Variants in ABCA8 observed in about 807,000 individuals in gnomAD.
ABCA8 encodes the protein ATP binding cassette subfamily A member 8.
Under a neutral mutation model 192.3 loss-of-function variants are expected in ABCA8, and 177 were observed. The ratio of observed to expected loss-of-function variants is 0.92; its 90% CI spans 0.81 to 1.04. The LOEUF (loss-of-function observed/expected upper bound fraction) is 1.04, where lower values mean the gene tolerates loss of function less well. Ranked by LOEUF, ABCA8 falls within the 50% of genes least tolerant of loss-of-function variation. The probability of loss-of-function intolerance (pLI) is 0.00; values close to 1 mark genes in which losing one functional copy is unlikely to be tolerated. For missense variants in ABCA8, 1,915 were observed against 1,904.8 expected (o/e 1.01, Z -0.10); for synonymous variants, 642 against 690.2 (o/e 0.93, Z 1.09).
intron 24 of ABCA8, among the ~76,000 whole-genome samples, chr17:68,888,958 C>G (rs2066560619): frequency 6.6e-6 from 1 of 152,120 alleles, no homozygotes; most frequent in Non-Finnish European, 1.5e-5. Context: ...AGGAGACAAA[C>G]AATGGACAGT....
chr17:68,921,094 G>T (rs1226757773), intron 13 of ABCA8, among the ~76,000 whole-genome samples: 1 of 151,920 alleles, frequency 6.6e-6, no homozygotes, highest in Admixed American at 6.6e-5. Flanking sequence ...GCAAACTATT[G>T]CAAGGACAAA....
chr17:68,932,610 T>C (rs2067934975), intron 6 of ABCA8, 96 bp from the exon 7 acceptor site: 1 of 914,844 alleles, frequency 1.1e-6, no homozygotes, highest in African/African-American at 1.7e-5. Context: ...ATGATTGGCC[T>C]ATTGGGATTT....
At chr17:68,914,129 C>T (rs188782349) in intron 17 of ABCA8, among the ~76,000 whole-genome samples, 174 of 152,186 alleles carry the variant, frequency 1.1e-3, no homozygotes, top group Non-Finnish European at 1.2e-3. Context: ...CCTCAAAAAT[C>T]TAGGTGTAGA....
Position 68,883,697 on chromosome 17 carries a change from C to T in ABCA8, c.3707+94G>A, listed in dbSNP as rs2066390326. Reference sequence around the variant, plus strand: ...GTTCCTACTCCAGCCTATCCTAGCACAACGGCACCTCTTTGTTAATGAATT... The same window carrying T: ...GTTCCTACTCCAGCCTATCCTAGCATAACGGCACCTCTTTGTTAATGAATT... On this transcript the variant is annotated intron_variant, in intron 29 of 39. Coordinates refer to ENST00000586539, the MANE Select transcript of ABCA8 (RefSeq NM_001288985.2). The T allele has an allele frequency of 5.1e-6, 4 of 783,850 alleles. 1 individual carries two copies. The East Asian group carries it at 8.1e-5, about 16-fold the overall frequency. 48.6% of individuals were successfully genotyped at this position (783,850 alleles called of 1,614,324 possible). A position where few individuals can be genotyped will look rare whatever the true frequency, so the allele number is the denominator to read the frequency against.
chr17:68,929,986 G>T (rs948812485), intron 7 of ABCA8, among the ~76,000 whole-genome samples: 1 of 142,614 alleles, frequency 7.0e-6, no homozygotes, highest in African/African-American at 2.6e-5. Flanking sequence ...GGTGGGGGCG[G>T]TGGGGGGGGA....
intron 25 of ABCA8, 33 bp downstream of exon 25, chr17:68,887,303 A>AATATTGTCACTTACTTGG (rs762157515): frequency 5.2e-6 from 8 of 1,536,688 alleles, no homozygotes; most frequent in Non-Finnish European, 7.1e-6. Flanking sequence ...TGATATTGTG[A>AATATTGTCACTTACTTGG]ATATTGTCAC....
Position 68,937,050 on chromosome 17 carries a change from C to A in ABCA8, c.367G>T (p.Glu123Ter). The A allele has an allele frequency of 6.2e-7, 1 of 1,610,722 alleles. No homozygotes were observed. The highest frequency in any genetic ancestry group is 8.5e-7 in the Non-Finnish European group (1 of 1,178,634). Residue 123 changes from glutamate (E) to a stop codon, truncating the protein, a stop_gained, in exon 5 of 40, where the codon GAA becomes TAA. Transcript: ENST00000586539. LOFTEE classifies it high-confidence loss of function. ...TTAGTAAAGGTGACTCTTACTATTT[C>A]TTCAGGATAATTTGCTGTGAATTCT... ...IKEFTANYPEEIVRVTFTNTY... is the reference protein window; with the variant it reads ...IKEFTANYPE
At chr17:68,929,467 G>A (rs1555616075) in intron 8 of ABCA8, 94 bp downstream of exon 8, 6 of 1,373,414 alleles carry the variant, frequency 4.4e-6, no homozygotes, top group Admixed American at 4.5e-5. Context: ...AACAGAGTAG[G>A]TAGAAAAAAA....
chr17:68,917,904 C>T (rs2067418832), intron 16 of ABCA8, 143 bp downstream of exon 16: 1 of 997,114 alleles, frequency 1.0e-6, no homozygotes, highest in Admixed American at 2.9e-5. Context: ...GGCTTTGCGT[C>T]CAGTTCAAAT....
At position 68,875,230 on chromosome 17, in the gene ABCA8, T is replaced by G. The variant is rs763491106; in HGVS notation, c.4631+30A>C. ...CTGACAAGTAACAGTGAACATTTGG[T>G]ACCATTTCCAAAACAGCAACCATGT... On this transcript the variant is annotated intron_variant, in intron 37 of 39. Coordinates refer to ENST00000586539, the MANE Select transcript of ABCA8 (RefSeq NM_001288985.2). 1.9e-6 allele frequency: 3 copies of G among 1,612,034 alleles called. No individual in the cohort carries two copies. The African/African-American group carries it at 4.0e-5, about 22-fold the overall frequency.
chr17:68,867,312 T>A lies in ABCA8; in HGVS notation c.*773A>T, dbSNP rs1183099832. ...TATTTCAAAACTATATATATGAGAT[T>A]TATTTCACATTTTCTACCTACTCAG... On this transcript the variant is annotated 3_prime_UTR_variant, in exon 40 of 40. Transcript: ENST00000586539. The A allele has an allele frequency of 6.6e-6, 1 of 152,154 alleles. No individual in the cohort carries two copies. Among genetic ancestry groups the A allele is most frequent in the Non-Finnish European group, 1.5e-5 (1 of 68,010 alleles). The allele number at this position is 152,154 out of a possible 1,614,324, so 9.4% of individuals were successfully genotyped here.
chr17:68,930,050 T>C (rs1225819188), intron 7 of ABCA8, among the ~76,000 whole-genome samples: 3 of 152,204 alleles, frequency 2.0e-5, no homozygotes, highest in African/African-American at 7.2e-5. Flanking sequence ...TGCTGCATTC[T>C]TGCTCTGTAA....
intron 2 of ABCA8, among the ~76,000 whole-genome samples, chr17:68,945,458 G>T (rs2143792680): frequency 6.6e-6 from 1 of 152,138 alleles, no homozygotes; most frequent in South Asian, 2.1e-4. Context: ...TTTTGTTGTG[G>T]TCAAACAACC....
Position 68,924,695 on chromosome 17 carries a change from T to G in ABCA8, c.1442+6A>C, listed in dbSNP as rs2067647747. The G allele has an allele frequency of 6.2e-7, 1 of 1,611,890 alleles. No homozygotes were observed. Among genetic ancestry groups the G allele is most frequent in the Non-Finnish European group, 8.5e-7 (1 of 1,179,246 alleles). On this transcript the variant is annotated splice_donor_region_variant and intron_variant, in intron 11 of 39. Coordinates refer to ENST00000586539, the MANE Select transcript of ABCA8 (RefSeq NM_001288985.2). The stretch of plus-strand genomic sequence containing the variant: ...TTGCCCTGTTCTCCACCTGCAGCCT[T>G]ATTACCTGATGGCTTCTTTCCCTTG...
rs769321397 is a variant in ABCA8 at position 68,918,096 on chromosome 17, G to A, written c.1998C>T (p.Arg666=). 29 of 1,614,046 alleles carry A rather than the reference G, an allele frequency of 1.8e-5. No homozygotes were observed. The highest frequency in any genetic ancestry group is 2.7e-5 in the African/African-American group (2 of 74,920). The change falls in exon 16 of 40, where the codon CGC becomes CGT. Residue 666 remains arginine (R), a synonymous_variant. Coordinates refer to ENST00000586539, the MANE Select transcript of ABCA8 (RefSeq NM_001288985.2). Reference sequence around the variant, plus strand: ...TGAACTGGGTACTGAAGAGGATCACGCGGTCTGTTTTGCGTTCTTTCAGAA... The same window carrying A: ...TGAACTGGGTACTGAAGAGGATCACACGGTCTGTTTTGCGTTCTTTCAGAA... The part of the protein sequence containing the change: ...WNLLKERKTD[R]VILFSTQFMD...
rs1013096952 is a variant in ABCA8 at position 68,917,437 on chromosome 17, G to T, written c.2062C>A (p.Leu688Ile). ...GCGCACTTTAGCTTCCCTTGGGAGA[G>T]AAATACTTTCCTGTCTGAAAAAGAA... ...ADILADRKVF[L>I]SQGKLKCAGS... The change falls in exon 17 of 40, where the codon CTC (leucine) becomes ATC (isoleucine). Residue 688 changes from leucine (L) to isoleucine (I), a missense_variant. Transcript: ENST00000586539. 4 of 1,608,950 alleles carry T rather than the reference G, an allele frequency of 2.5e-6. No individual in the cohort carries two copies. The highest frequency in any genetic ancestry group is 1.1e-5 in the South Asian group (1 of 90,022).
chr17:68,918,122 G>T lies in ABCA8; in HGVS notation c.1972C>A (p.Leu658Ile), dbSNP rs753931039. Reference protein sequence around the residue: ...DPFSRHQVWNLLKERKTDRVI... With the variant: ...DPFSRHQVWNILKERKTDRVI... Reference sequence around the variant, plus strand: ...CGGTCTGTTTTGCGTTCTTTCAGAAGGTTCCATACTTGGTGTCTTGAAAAG... The same window carrying T: ...CGGTCTGTTTTGCGTTCTTTCAGAATGTTCCATACTTGGTGTCTTGAAAAG... Residue 658 changes from leucine to isoleucine, a missense_variant, in exon 16 of 40, where the codon CTT becomes ATT. By Grantham distance (5) the Leu-to-Ile change is conservative. Transcript: ENST00000586539. 6.2e-7 allele frequency: 1 copy of T among 1,614,066 alleles called. No homozygotes were observed. Among genetic ancestry groups the T allele is most frequent in the African/African-American group, 1.3e-5 (1 of 74,926 alleles).
Position 68,928,051 on chromosome 17 carries a change from C to T in ABCA8, c.1138G>A (p.Asp380Asn). Residue 380 changes from aspartate (D) to asparagine (N), a missense_variant, in exon 10 of 40, where the codon GAC (aspartate) becomes AAC (asparagine). Transcript: ENST00000586539. The part of the protein sequence containing the change: ...MLGMAQLLHL[D>N]YDLNSNAFPH... ...AATGCATTAGAATTCAAATCATAGT[C>T]CAAGTGTAAAAGCTGAAAATTAAAA... is the stretch of plus-strand genomic sequence containing the variant. 6.3e-7 allele frequency: 1 copy of T among 1,584,532 alleles called. No homozygotes were observed. Among genetic ancestry groups the T allele is most frequent in the Non-Finnish European group, 8.6e-7 (1 of 1,169,408 alleles).
chr17:68,932,866 G>A (rs905326127), intron 6 of ABCA8, among the ~76,000 whole-genome samples: 1 of 152,180 alleles, frequency 6.6e-6, no homozygotes, highest in Non-Finnish European at 1.5e-5. Flanking sequence ...GGCATTCTAA[G>A]GCTGAGAGGT....
Sources: gnomAD v4.1 joint callset for allele counts (sites outside exome capture counted in the v4.1 genomes callset) on GRCh38, gnomAD v4.1.1 for gene constraint, MANE v1.5 for transcripts, NCBI Gene and HGNC (gene_info 2026-07-23, HGNC 2026-07-21) for gene names.